Variants in NCKIPSD observed in about 807,000 individuals in gnomAD.
NCKIPSD encodes NCK-interacting protein with SH3 domain.
Under a neutral mutation model 73.4 loss-of-function variants are expected in NCKIPSD, and 48 were observed. The observed-to-expected ratio is 0.65, with a 90% confidence interval of 0.52 to 0.83. The LOEUF (loss-of-function observed/expected upper bound fraction) is 0.83, where lower values mean the gene tolerates loss of function less well. Among genes scored for constraint, NCKIPSD ranks in the 40% least tolerant of loss-of-function variants. The probability of loss-of-function intolerance (pLI) is 0.00; values close to 1 mark genes in which losing one functional copy is unlikely to be tolerated. For synonymous variants in NCKIPSD, 422 were observed against 403.6 expected, an observed-to-expected ratio of 1.05 and a Z score of -0.54; for missense variants, 884 against 970.2, an observed-to-expected ratio of 0.91 and a Z score of 1.18.
At chr3:48,677,893 T>A (rs1559491177) in intron 12 of NCKIPSD, among the ~76,000 whole-genome samples, 1 of 152,166 alleles carries the variant, frequency 6.6e-6, no homozygotes, top group Non-Finnish European at 1.5e-5. Context: ...CTCCGAAATG[T>A]CTCTCTAGTC....
At chr3:48,683,607 A>G (rs990211) in intron 1 of NCKIPSD, among the ~76,000 whole-genome samples, 126,344 of 152,182 alleles carry the variant, frequency 0.83, 52,668 homozygotes, top group East Asian at 1. Flanking sequence ...TAAGCTTCCA[A>G]ACCCACCCTG....
In NCKIPSD at chr3:48,678,735, ATC is replaced by A; in HGVS notation, c.1793-1_1793del. The A allele has an allele frequency of 6.2e-7, 1 of 1,613,244 alleles. No individual in the cohort carries two copies. Among genetic ancestry groups the A allele is most frequent in the Non-Finnish European group, 8.5e-7 (1 of 1,179,530 alleles). On this transcript the variant is annotated splice_acceptor_variant and coding_sequence_variant, in exon 12 of 13. Coordinates refer to ENST00000294129, the MANE Select transcript of NCKIPSD (RefSeq NM_016453.4). LOFTEE classifies it high-confidence loss of function. ...CATGTTTGAAGATGCGCACAGGGTC[ATC>A]TAGGAGGCAGGGGTCATAGCGGTCA...
At chr3:48,676,354 C>T (rs558316244) in intron 12 of NCKIPSD, among the ~76,000 whole-genome samples, 1 of 152,272 alleles carries the variant, frequency 6.6e-6, no homozygotes, top group South Asian at 2.1e-4. Context: ...TGGACCTGAA[C>T]TCTCCCCTCC....
rs1213472809 is a variant in NCKIPSD, at chr3:48,678,901, G to A, written c.1768C>T (p.Leu590=). The A allele has an allele frequency of 1.2e-6, 2 of 1,613,988 alleles. No individual in the cohort carries two copies. Among genetic ancestry groups the A allele is most frequent in the East Asian group, 2.2e-5 (1 of 44,876 alleles). The part of the protein sequence containing the change: ...HANVKIFSEK[L]LLLLNRGDDP... ...CCCCCTCTGTTCAGGAGCAACAACAGCTTCTCGGAGAAGATCTTGACATTG... is the reference window on the plus strand; with the variant it reads ...CCCCCTCTGTTCAGGAGCAACAACAACTTCTCGGAGAAGATCTTGACATTG... The change falls in exon 11 of 13, where the codon CTG becomes TTG. Residue 590 remains leucine (L), a synonymous_variant. Coordinates refer to ENST00000294129, the MANE Select transcript of NCKIPSD (RefSeq NM_016453.4).
intron 1 of NCKIPSD, among the ~76,000 whole-genome samples, chr3:48,685,007 T>C (rs1035103491): frequency 2.6e-5 from 4 of 151,396 alleles, no homozygotes; most frequent in Non-Finnish European, 5.9e-5. Flanking sequence ...CACAGGCTAG[T>C]GAAAGACACT....
chr3:48,680,178 G>A lies in NCKIPSD; in HGVS notation c.1144C>T (p.Leu382=). ...GCCAGGTCTGCAAAGATCACCTCCAGCCTCTGCTGGTCGTGGCAGACCTGC... is the reference window on the plus strand; with the variant it reads ...GCCAGGTCTGCAAAGATCACCTCCAACCTCTGCTGGTCGTGGCAGACCTGC... ...SGQVCHDQQR[L]EVIFADLARR... Residue 382 remains leucine (L), a synonymous_variant, in exon 6 of 13, where the codon CTG becomes TTG. Coordinates refer to ENST00000294129, the MANE Select transcript of NCKIPSD (RefSeq NM_016453.4). The A allele has an allele frequency of 6.2e-7, 1 of 1,613,868 alleles. No homozygotes were observed. The highest frequency in any genetic ancestry group is 8.5e-7 in the Non-Finnish European group (1 of 1,179,986).
At position 48,681,373 on chromosome 3, in the gene NCKIPSD, C is replaced by T. The variant is rs140387168; in HGVS notation, c.1006G>A (p.Gly336Ser). The part of the protein sequence containing the change: ...LSHELCRVAI[G>S]IIVGHIQASV... ...GCCTGGATGTGACCCACTATGATGC[C>T]GATGGCCACCCGGCATAATTCGTGG... The change falls in exon 5 of 13, where the codon GGC (glycine) becomes AGC (serine). Residue 336 changes from glycine (G) to serine (S), a missense_variant. By Grantham distance (56) the Gly-to-Ser change is moderately conservative. Coordinates refer to ENST00000294129, the MANE Select transcript of NCKIPSD (RefSeq NM_016453.4). The T allele has an allele frequency of 1.7e-5, 28 of 1,611,654 alleles. No individual in the cohort carries two copies. The highest frequency in any genetic ancestry group is 2.1e-5 in the Non-Finnish European group (25 of 1,178,906).
chr3:48,679,217 A>AT, intron 9 of NCKIPSD, 34 bp from the exon 10 acceptor site: 1 of 1,611,780 alleles, frequency 6.2e-7, no homozygotes, highest in Non-Finnish European at 8.5e-7. Flanking sequence ...CTGCAGCCCC[A>AT]TTCCCCTCCG....
rs139857066 is a variant in NCKIPSD at position 48,674,669 on chromosome 3, C to T, written c.2044G>A (p.Asp682Asn). 6 of 1,613,894 alleles carry T rather than the reference C, an allele frequency of 3.7e-6. No individual in the cohort carries two copies. Among genetic ancestry groups the T allele is most frequent in the Admixed American group, 3.3e-5 (2 of 59,982 alleles). ...ATGCGTCGCAGTATGGCCTGCAGGT[C>T]GGGTAGCCGGTGGCGGTGCTGCAGG... The part of the protein sequence containing the change: ...PYLQHRHRLP[D>N]LQAILRRILN... Residue 682 changes from aspartate to asparagine, a missense_variant, in exon 13 of 13, where the codon GAC becomes AAC. Coordinates refer to ENST00000294129, the MANE Select transcript of NCKIPSD (RefSeq NM_016453.4).
At chr3:48,682,627 C>G in intron 2 of NCKIPSD, 75 bp from the exon 3 acceptor site, 1 of 1,529,082 alleles carries the variant, frequency 6.5e-7, no homozygotes. Flanking sequence ...CTGTGGGATG[C>G]TGGGACCCCA....
chr3:48,682,842 T>C, intron 2 of NCKIPSD, 61 bp downstream of exon 2: 1 of 1,517,482 alleles, frequency 6.6e-7, no homozygotes, highest in South Asian at 1.2e-5. Flanking sequence ...TGACACTCAT[T>C]GAAGAACCCC....
intron 5 of NCKIPSD, 123 bp downstream of exon 5, chr3:48,681,164 C>A: frequency 2.1e-6 from 3 of 1,413,226 alleles, no homozygotes; most frequent in Non-Finnish European, 2.8e-6. Context: ...TCCCCAGTGC[C>A]CAGCACAGTA....
At chr3:48,675,509 CAT>C (rs35007879) in intron 12 of NCKIPSD, among the ~76,000 whole-genome samples, 25 of 110,410 alleles carry the variant, frequency 2.3e-4, no homozygotes, top group South Asian at 3.0e-4. Context: ...ATATATATAT[CAT>C]ATATATATAT....
Position 48,679,870 on chromosome 3 carries a change from T to A in NCKIPSD, c.1281A>T (p.Glu427Asp), listed in dbSNP as rs556896242. 7.4e-6 allele frequency: 12 copies of A among 1,614,070 alleles called. No individual in the cohort carries two copies. The highest frequency in any genetic ancestry group is 9.3e-6 in the Non-Finnish European group (11 of 1,180,044). The change falls in exon 7 of 13, where the codon GAA (glutamate) becomes GAT (aspartate). Residue 427 changes from glutamate to aspartate, a missense_variant. Coordinates refer to ENST00000294129, the MANE Select transcript of NCKIPSD (RefSeq NM_016453.4). ...TTCTCTTGCACATTTTCTTGCAAACTTCAGGGTCTGCATCAGTCTACAGAA... is the reference window on the plus strand; with the variant it reads ...TTCTCTTGCACATTTTCTTGCAAACATCAGGGTCTGCATCAGTCTACAGAA... ...LLHILTDADP[E>D]VCKKMCKRNE...
chr3:48,678,880 C>T lies in NCKIPSD; in HGVS notation c.1789G>A (p.Gly597Arg), dbSNP rs1308873322. The change falls in exon 11 of 13, where the codon GGG (glycine) becomes AGG (arginine). Residue 597 changes from glycine to arginine, a missense_variant. By Grantham distance (125) the Gly-to-Arg change is moderately radical. Transcript: ENST00000294129. ...SEKLLLLLNR[G>R]DDPVRIFKHE... ...GCGCAGATTCCCGGGCCCTCACCCC[C>T]TCTGTTCAGGAGCAACAACAGCTTC... is the stretch of plus-strand genomic sequence containing the variant. 1.9e-6 allele frequency: 3 copies of T among 1,613,786 alleles called. No homozygotes were observed. The highest frequency in any genetic ancestry group is 1.3e-5 in the African/African-American group (1 of 74,900).
At chr3:48,675,543 A>ATG (rs1553629722) in intron 12 of NCKIPSD, among the ~76,000 whole-genome samples, 7 of 141,302 alleles carry the variant, frequency 5.0e-5, no homozygotes, top group Non-Finnish European at 9.1e-5. Context: ...ATATATATAT[A>ATG]TATCATTTTT....
At chr3:48,685,254 C>T in intron 1 of NCKIPSD, among the ~76,000 whole-genome samples, 1 of 143,960 alleles carries the variant, frequency 6.9e-6, no homozygotes, top group East Asian at 2.1e-4. Context: ...CCTAGGAATC[C>T]AGAGAAGGGG....
Position 48,679,082 on chromosome 3 carries a change from G to A in NCKIPSD, c.1672C>T (p.Leu558Phe). Residue 558 changes from leucine to phenylalanine, a missense_variant, in exon 10 of 13, where the codon CTT (leucine) becomes TTT (phenylalanine). Leu to Phe is a conservative substitution (Grantham distance 22). Transcript: ENST00000294129. ...EQLPDLCVNL[L>F]LALNLHLPAA... ...GGCAGGTGCAGGTTGAGAGCCAGAAGCAGGTTCACGCAGAGGTCCGGCAGC... is the reference window on the plus strand; with the variant it reads ...GGCAGGTGCAGGTTGAGAGCCAGAAACAGGTTCACGCAGAGGTCCGGCAGC... 6.2e-7 allele frequency: 1 copy of A among 1,614,164 alleles called. No individual in the cohort carries two copies. Among genetic ancestry groups the A allele is most frequent in the Non-Finnish European group, 8.5e-7 (1 of 1,180,022 alleles).
Position 48,682,027 on chromosome 3 carries a change from C to T in NCKIPSD, c.598+18G>A, listed in dbSNP as rs1559495016. On this transcript the variant is annotated intron_variant, in intron 4 of 12. Coordinates refer to ENST00000294129, the MANE Select transcript of NCKIPSD (RefSeq NM_016453.4). ...ATAGGGTGCCTCCACCTGAATTCCC[C>T]TAACCCTGCCTTCTTACCACTCCCA... 2 of 1,597,358 alleles carry T rather than the reference C, an allele frequency of 1.3e-6. No individual in the cohort carries two copies. Among genetic ancestry groups the T allele is most frequent in the Admixed American group, 1.7e-5 (1 of 59,384 alleles).
Sources: gnomAD v4.1 joint callset for allele counts (sites outside exome capture counted in the v4.1 genomes callset) on GRCh38, gnomAD v4.1.1 for gene constraint, MANE v1.5 for transcripts, NCBI Gene and HGNC (gene_info 2026-07-23, HGNC 2026-07-21) for gene names.